Variants in BLTP1 observed in about 807,000 individuals in gnomAD.
BLTP1 encodes fragile site-associated protein.
the BLTP1 span, chr4:122,274,417 G>A: frequency 6.2e-7 from 1 of 1,604,170 alleles, no homozygotes; most frequent in African/African-American, 1.3e-5. Flanking sequence ...GCTGCTTGAA[G>A]GGATTACACC....
At chr4:122,230,678 A>T in the BLTP1 span, among the ~76,000 whole-genome samples, 5 of 152,152 alleles carry the variant, frequency 3.3e-5, no homozygotes, top group Non-Finnish European at 5.9e-5. Flanking sequence ...GTCCTTAGGA[A>T]ATTATTATTA....
At chr4:122,183,022 G>GT in the BLTP1 span, 2 of 984,954 alleles carry the variant, frequency 2.0e-6, no homozygotes, top group Non-Finnish European at 1.2e-6. Context: ...ATCAAATGAA[G>GT]TAACTACTTT....
the BLTP1 span, chr4:122,254,450 A>G: frequency 3.1e-6 from 4 of 1,284,692 alleles, no homozygotes; most frequent in East Asian, 2.5e-5. Context: ...TGGTATATAT[A>G]GTATTAAGGT....
the BLTP1 span, among the ~76,000 whole-genome samples, chr4:122,197,713 G>A: frequency 1.3e-5 from 2 of 152,028 alleles, no homozygotes; most frequent in African/African-American, 4.8e-5. Flanking sequence ...GGAGTAAGCC[G>A]GGTGGGTACT....
the BLTP1 span, chr4:122,227,334 C>T: frequency 8.1e-6 from 8 of 985,908 alleles, no homozygotes; most frequent in Non-Finnish European, 9.6e-6. Context: ...ATTACAATAT[C>T]TTCACAAGGG....
chr4:122,174,846 A>G, the BLTP1 span, among the ~76,000 whole-genome samples: 2 of 152,268 alleles, frequency 1.3e-5, no homozygotes, highest in South Asian at 2.1e-4. Flanking sequence ...TTAGCAGAAT[A>G]TAAAAATAGC....
the BLTP1 span, chr4:122,192,308 A>G: frequency 3.7e-6 from 6 of 1,613,664 alleles, no homozygotes; most frequent in Non-Finnish European, 5.1e-6. Flanking sequence ...ACTTGCCTCC[A>G]TGTTGGGGAC....
At chr4:122,298,200 TAA>T in the BLTP1 span, 1 of 877,256 alleles carries the variant, frequency 1.1e-6, no homozygotes, top group African/African-American at 1.8e-5. Flanking sequence ...AATAAATAGA[TAA>T]GACAGCTAAC....
the BLTP1 span, chr4:122,227,187 C>T: frequency 1.4e-5 from 14 of 1,006,894 alleles, no homozygotes; most frequent in African/African-American, 1.9e-4. Flanking sequence ...TTGAATTCTT[C>T]ACATGACATG....
the BLTP1 span, chr4:122,193,626 A>G: frequency 1.3e-6 from 1 of 765,686 alleles, no homozygotes; most frequent in East Asian, 1.3e-4. Flanking sequence ...CTAAGTTTTT[A>G]TGTACAAAAT....
chr4:122,281,779 T>C, the BLTP1 span: 1 of 1,516,730 alleles, frequency 6.6e-7, no homozygotes, highest in Non-Finnish European at 8.8e-7. Flanking sequence ...TGACAGGTAA[T>C]ATTGAATTCT....
chr4:122,187,769 A>G, the BLTP1 span: 30 of 1,118,296 alleles, frequency 2.7e-5, no homozygotes, highest in African/African-American at 4.9e-5. Context: ...TAAATAGCAC[A>G]TAGTCCTAAA....
At chr4:122,259,580 G>T in the BLTP1 span, among the ~76,000 whole-genome samples, 2 of 152,098 alleles carry the variant, frequency 1.3e-5, no homozygotes, top group African/African-American at 4.8e-5. Flanking sequence ...TTAACTTTCT[G>T]GCCAGGCGCG....
At chr4:122,162,507 A>G in the BLTP1 span, 6 of 985,280 alleles carry the variant, frequency 6.1e-6, no homozygotes, top group African/African-American at 5.2e-5. Flanking sequence ...GTAATCAACC[A>G]GTTCTTTCCA....
At chr4:122,355,736 T>C in the BLTP1 span, 5 of 1,507,602 alleles carry the variant, frequency 3.3e-6, no homozygotes, top group Non-Finnish European at 4.5e-6. Context: ...TTGAAAGCTA[T>C]ATAGGCTTGT....
chr4:122,266,417 G>A, the BLTP1 span, among the ~76,000 whole-genome samples: 36 of 150,862 alleles, frequency 2.4e-4, no homozygotes, highest in Admixed American at 2.3e-3. Context: ...TGTAATATAT[G>A]TTTTTTTTTG....
At chr4:122,261,615 G>A in the BLTP1 span, 1 of 983,078 alleles carries the variant, frequency 1.0e-6, no homozygotes. Flanking sequence ...AACACACCTT[G>A]ATTATTAGAG....
At chr4:122,269,591 T>C in the BLTP1 span, 6 of 985,208 alleles carry the variant, frequency 6.1e-6, no homozygotes, top group Non-Finnish European at 7.2e-6. Context: ...CGCAATATAC[T>C]TTTCCCAGCC....
the BLTP1 span, among the ~76,000 whole-genome samples, chr4:122,178,828 A>G: frequency 2.6e-5 from 4 of 152,248 alleles, no homozygotes; most frequent in Non-Finnish European, 5.9e-5. Flanking sequence ...ACTAGTACAT[A>G]GAAGATGTTG....
Sources: gnomAD v4.1 joint callset for allele counts (sites outside exome capture counted in the v4.1 genomes callset) on GRCh38, gnomAD v4.1.1 for gene constraint, MANE v1.5 for transcripts, NCBI Gene and HGNC (gene_info 2026-07-23, HGNC 2026-07-21) for gene names.